ST6GAL1: variants seen among roughly 807,000 people sequenced by gnomAD.
ST6GAL1 encodes the protein ST6 beta-galactoside alpha-2,6-sialyltransferase 1, also known as beta-galactoside alpha-2,6-sialyltransferase 1.
ST6GAL1 carries 20 observed loss-of-function variants against 38.0 expected under a neutral mutation model. That is an observed-to-expected ratio of 0.53 (90% CI 0.37 to 0.77). The LOEUF is 0.77. Ranked by LOEUF, ST6GAL1 falls within the 30% of genes least tolerant of loss-of-function variation. ST6GAL1 has a pLI of 0.00. For synonymous variants in ST6GAL1, 196 were observed against 188.2 expected (o/e 1.04, Z -0.34); for missense variants, 432 against 496.4 (o/e 0.87, Z 1.23).
At chr3:186,985,625 AT>A (rs1216249249) in intron 2 of ST6GAL1, among the ~76,000 whole-genome samples, 4 of 146,498 alleles carry the variant, frequency 2.7e-5, no homozygotes, top group Admixed American at 2.7e-4. Flanking sequence ...AAAAAAAAAA[AT>A]TAGCTGGTCC....
At chr3:186,946,042 C>T (rs1460701416) in intron 1 of ST6GAL1, among the ~76,000 whole-genome samples, 1 of 149,864 alleles carries the variant, frequency 6.7e-6, no homozygotes, top group Non-Finnish European at 1.5e-5. Context: ...CGCGGTGGCT[C>T]ATGCCTGTAA....
At chr3:186,934,541 A>G (rs1713872991) in intron 1 of ST6GAL1, among the ~76,000 whole-genome samples, 1 of 151,798 alleles carries the variant, frequency 6.6e-6, no homozygotes, top group Non-Finnish European at 1.5e-5. Context: ...CAGCCTGGGG[A>G]CATAGCGAGA....
intron 5 of ST6GAL1, chr3:187,064,409 A>T (rs1293822204): frequency 2.4e-6 from 1 of 419,570 alleles, no homozygotes. Context: ...ACAATTCACA[A>T]AGGGTTGCGA....
At chr3:186,944,150 C>A (rs1374580722) in intron 1 of ST6GAL1, among the ~76,000 whole-genome samples, 1 of 152,164 alleles carries the variant, frequency 6.6e-6, no homozygotes, top group Non-Finnish European at 1.5e-5. Context: ...TCTTTATGTG[C>A]CCAACCACGT....
intron 1 of ST6GAL1, among the ~76,000 whole-genome samples, chr3:186,955,307 T>C (rs969639067): frequency 7.2e-5 from 11 of 152,210 alleles, no homozygotes; most frequent in African/African-American, 2.7e-4. Context: ...TTGTCTTGGC[T>C]ATATGGACTC....
rs182681128 is a variant in ST6GAL1, at chr3:187,033,516, A to G, written c.-182-5226A>G. ...TCTCAACCATTTACATTTTTTCTAG[A>G]CAGTTGGATATACATATCTTTTAAG... On this transcript the variant is annotated intron_variant, in intron 2 of 7. Coordinates refer to ENST00000169298, the MANE Select transcript of ST6GAL1 (RefSeq NM_173216.2). Among the ~76,000 whole-genome samples, 557 of 152,362 alleles carry G rather than the reference A, an allele frequency of 3.7e-3. 1 individual carries two copies. Among genetic ancestry groups the G allele is most frequent in the African/African-American group, 0.012 (515 of 41,596 alleles).
chr3:187,064,492 G>T (rs1467655105), intron 5 of ST6GAL1: 1 of 455,702 alleles, frequency 2.2e-6, no homozygotes, highest in East Asian at 6.9e-5. Flanking sequence ...TTCTACTGAA[G>T]CAGATTTTTT....
chr3:187,030,503 A>G (rs893795635), intron 2 of ST6GAL1, among the ~76,000 whole-genome samples: 3 of 152,068 alleles, frequency 2.0e-5, no homozygotes, highest in African/African-American at 7.2e-5. Context: ...GTGCAATCTC[A>G]GCTCACTTCA....
intron 5 of ST6GAL1, among the ~76,000 whole-genome samples, chr3:187,066,597 C>CGTGCGT (rs1553836627): frequency 1.7e-5 from 2 of 116,938 alleles, no homozygotes; most frequent in Non-Finnish European, 3.8e-5. Context: ...GATGTGCGTG[C>CGTGCGT]GTGCGTGTGT....
At chr3:186,943,869 G>A (rs557222622) in intron 1 of ST6GAL1, among the ~76,000 whole-genome samples, 1 of 152,354 alleles carries the variant, frequency 6.6e-6, no homozygotes, top group Admixed American at 6.5e-5. Context: ...TGCCTCCAGA[G>A]CCCATGTCTC....
intron 2 of ST6GAL1, among the ~76,000 whole-genome samples, chr3:187,010,851 T>C (rs1453704313): frequency 6.6e-6 from 1 of 152,214 alleles, no homozygotes; most frequent in East Asian, 1.9e-4. Flanking sequence ...TACTTTCCTG[T>C]AACCATTCAT....
intron 5 of ST6GAL1, among the ~76,000 whole-genome samples, chr3:187,067,206 C>T (rs1208661290): frequency 6.7e-6 from 1 of 148,880 alleles, no homozygotes; most frequent in East Asian, 2.0e-4. Context: ...CCTGCCTCAG[C>T]CTTCTGAGTA....
Position 187,076,846 on chromosome 3 carries a change from A to C in ST6GAL1, c.*1043A>C, listed in dbSNP as rs1298420482. ...GCAGCCTCACGACAGATACCAGGCA[A>C]TCCAGAGCCACAAAACGTGATTCCT... On this transcript the variant is annotated 3_prime_UTR_variant, in exon 8 of 8. Transcript: ENST00000169298. The C allele has an allele frequency of 3.3e-5, 13 of 398,874 alleles. No homozygotes were observed. In the East Asian group the frequency reaches 4.3e-4, roughly 13 times the overall value. The allele number at this position is 398,874 out of a possible 1,614,324, so 24.7% of individuals were successfully genotyped here.
intron 2 of ST6GAL1, among the ~76,000 whole-genome samples, chr3:186,997,869 C>A (rs999900830): frequency 1.3e-5 from 2 of 152,036 alleles, no homozygotes; most frequent in Admixed American, 1.3e-4. Context: ...GTGTTCTCAG[C>A]CAGTGCTATC....
At chr3:187,072,723 C>G in intron 5 of ST6GAL1, 126 bp from the exon 6 acceptor site, 1 of 819,416 alleles carries the variant, frequency 1.2e-6, no homozygotes, top group Non-Finnish European at 2.2e-6. Context: ...AGTGCTGCAC[C>G]AGAACTTAGA....
intron 4 of ST6GAL1, among the ~76,000 whole-genome samples, chr3:187,049,720 T>G (rs1718445031): frequency 6.6e-6 from 1 of 152,214 alleles, no homozygotes. Context: ...AATTACTCCA[T>G]TGGAGCTTCT....
chr3:187,014,286 T>A (rs1257688994), intron 2 of ST6GAL1, among the ~76,000 whole-genome samples: 3 of 152,250 alleles, frequency 2.0e-5, no homozygotes, highest in Non-Finnish European at 4.4e-5. Flanking sequence ...CAAGTCTTGG[T>A]GCAAATGAAA....
chr3:186,997,867 A>G (rs1716471658), intron 2 of ST6GAL1, among the ~76,000 whole-genome samples: 1 of 152,224 alleles, frequency 6.6e-6, no homozygotes, highest in South Asian at 2.1e-4. Context: ...CTGTGTTCTC[A>G]GCCAGTGCTA....
At chr3:186,957,740 A>G (rs919581638) in intron 1 of ST6GAL1, among the ~76,000 whole-genome samples, 10 of 152,202 alleles carry the variant, frequency 6.6e-5, no homozygotes, top group African/African-American at 1.7e-4. Context: ...GACATCATCT[A>G]TCTCTACAGA....
Sources: gnomAD v4.1 joint callset for allele counts (sites outside exome capture counted in the v4.1 genomes callset) on GRCh38, gnomAD v4.1.1 for gene constraint, MANE v1.5 for transcripts, NCBI Gene and HGNC (gene_info 2026-07-23, HGNC 2026-07-21) for gene names.